Variants in THADA observed in about 807,000 individuals in gnomAD.
THADA encodes the protein THADA armadillo repeat containing.
A neutral mutation model predicts 219.8 loss-of-function variants in THADA; 213 were observed. The observed-to-expected ratio is 0.97, with a 90% confidence interval of 0.87 to 1.09. THADA has a LOEUF of 1.09. Among genes scored for constraint, THADA ranks in the 50% least tolerant of loss-of-function variants. The pLI, the probability that THADA is intolerant of heterozygous loss-of-function variation, is 0.00. For missense variants in THADA, 2,956 were observed against 2,311.3 expected, an observed-to-expected ratio of 1.28 and a Z score of -5.72; for synonymous variants, 1,018 against 828.9, an observed-to-expected ratio of 1.23 and a Z score of -3.92.
intron 30 of THADA, among the ~76,000 whole-genome samples, chr2:43,337,398 A>AT (rs1170434986): frequency 4.6e-5 from 7 of 152,182 alleles, no homozygotes; most frequent in Non-Finnish European, 1.0e-4. Flanking sequence ...TGTAGAAAAG[A>AT]TTTTTTTATA....
intron 26 of THADA, among the ~76,000 whole-genome samples, chr2:43,461,008 T>C (rs1683578608): frequency 6.6e-6 from 1 of 152,110 alleles, no homozygotes; most frequent in Non-Finnish European, 1.5e-5. Context: ...AAGGACACTG[T>C]TGAGGCAGAG....
intron 21 of THADA, among the ~76,000 whole-genome samples, chr2:43,535,824 G>A (rs898187925): frequency 5.3e-5 from 8 of 149,610 alleles, no homozygotes; most frequent in Non-Finnish European, 1.0e-4. Context: ...TCTGTTTTTT[G>A]TTTTTGTTTG....
intron 22 of THADA, among the ~76,000 whole-genome samples, chr2:43,517,115 TA>T (rs755620007): frequency 6.6e-6 from 1 of 152,106 alleles, no homozygotes; most frequent in African/African-American, 2.4e-5. Context: ...GCTAGAAAAT[TA>T]AAATACTCTA....
At chr2:43,357,009 T>C (rs1183845010) in intron 29 of THADA, among the ~76,000 whole-genome samples, 1 of 152,206 alleles carries the variant, frequency 6.6e-6, no homozygotes, top group Non-Finnish European at 1.5e-5. Flanking sequence ...CTAAAAACTA[T>C]AAATTACTTT....
At position 43,303,285 on chromosome 2, in the gene THADA, G is replaced by C. The variant is rs150176661; in HGVS notation, c.4439-10072C>G. The stretch of plus-strand genomic sequence containing the variant: ...GTTCTTTGGTAGGTTGGAGATTCCA[G>C]TGTAATGTCTGCAACATGAACAGTC... On this transcript the variant is annotated intron_variant, in intron 31 of 37. Transcript: ENST00000405975. 4.0e-3 allele frequency among the ~76,000 whole-genome samples: 612 copies of C among 152,284 alleles called. 7 individuals are homozygous for C. Among genetic ancestry groups the C allele is most frequent in the African/African-American group, 0.014 (570 of 41,560 alleles).
intron 33 of THADA, 95 bp from the exon 34 acceptor site, chr2:43,291,863 G>C: frequency 8.9e-7 from 1 of 1,124,370 alleles, no homozygotes; most frequent in South Asian, 1.7e-5. Flanking sequence ...CCATGCAGAG[G>C]TGAATACTGA....
At chr2:43,567,106 A>AGAGTCTC (rs1243113486) in intron 14 of THADA, among the ~76,000 whole-genome samples, 3 of 150,388 alleles carry the variant, frequency 2.0e-5, no homozygotes, top group Non-Finnish European at 4.4e-5. Flanking sequence ...TTTTTAAGAC[A>AGAGTCTC]GAGTCTCGCT....
chr2:43,497,884 C>A (rs1193839631), intron 25 of THADA, among the ~76,000 whole-genome samples: 1 of 151,986 alleles, frequency 6.6e-6, no homozygotes, highest in African/African-American at 2.4e-5. Flanking sequence ...GACTCCAACT[C>A]AATTAAAAAC....
intron 28 of THADA, among the ~76,000 whole-genome samples, chr2:43,422,354 G>T (rs113609269): frequency 9.9e-5 from 15 of 152,134 alleles, no homozygotes; most frequent in African/African-American, 3.1e-4. Flanking sequence ...ACTGTTTCCA[G>T]ATGTTTGGTT....
chr2:43,388,005 A>C (rs1367156156), intron 29 of THADA, among the ~76,000 whole-genome samples: 1 of 152,246 alleles, frequency 6.6e-6, no homozygotes, highest in Non-Finnish European at 1.5e-5. Context: ...CAGTGCTTTT[A>C]AATGGTCAGC....
intron 29 of THADA, chr2:43,372,243 G>A (rs1207573855): frequency 6.6e-6 from 1 of 152,138 alleles, no homozygotes; most frequent in African/African-American, 2.4e-5. Context: ...GTTTTAAAGA[G>A]CTGCTAGTTT....
chr2:43,381,531 C>A (rs1221590233), intron 29 of THADA, among the ~76,000 whole-genome samples: 2 of 151,224 alleles, frequency 1.3e-5, no homozygotes, highest in Non-Finnish European at 2.9e-5. Flanking sequence ...AGAAACCTGG[C>A]AAACACGACT....
intron 21 of THADA, among the ~76,000 whole-genome samples, chr2:43,531,855 A>C (rs1285589701): frequency 1.3e-5 from 2 of 151,658 alleles, no homozygotes; most frequent in African/African-American, 4.8e-5. Flanking sequence ...CTTTTTTTCG[A>C]CTCATAATTT....
chr2:43,492,220 G>A (rs1687726012), intron 25 of THADA: 1 of 151,984 alleles, frequency 6.6e-6, no homozygotes, highest in East Asian at 1.9e-4. Context: ...GGCTGAGGCA[G>A]GAGAATCACT....
At chr2:43,542,462 T>C (rs964034358) in intron 20 of THADA, among the ~76,000 whole-genome samples, 4 of 152,124 alleles carry the variant, frequency 2.6e-5, no homozygotes, top group Non-Finnish European at 5.9e-5. Context: ...CAAGACAATA[T>C]CCCCACCTAG....
intron 30 of THADA, among the ~76,000 whole-genome samples, chr2:43,337,000 G>T (rs760513834): frequency 4.6e-5 from 7 of 152,240 alleles, no homozygotes; most frequent in African/African-American, 1.2e-4. Flanking sequence ...TTTTTCAAAA[G>T]AAGCTGTAGA....
At chr2:43,235,297 T>C (rs1204206036) in intron 36 of THADA, among the ~76,000 whole-genome samples, 1 of 151,798 alleles carries the variant, frequency 6.6e-6, no homozygotes, top group East Asian at 1.9e-4. Context: ...TTTTTGTTGT[T>C]GTTGTTTTGT....
At chr2:43,449,794 T>C (rs1029136301) in intron 26 of THADA, among the ~76,000 whole-genome samples, 4 of 152,096 alleles carry the variant, frequency 2.6e-5, no homozygotes, top group Admixed American at 2.6e-4. Context: ...ACTTGTTACA[T>C]GCAAACGGTC....
At chr2:43,483,326 A>G (rs1686472442) in intron 26 of THADA, among the ~76,000 whole-genome samples, 1 of 152,204 alleles carries the variant, frequency 6.6e-6, no homozygotes, top group Non-Finnish European at 1.5e-5. Flanking sequence ...CATTTAAACA[A>G]AAAGTGACAT....
Sources: allele counts gnomAD v4.1 joint callset (sites outside exome capture counted in the v4.1 genomes callset), GRCh38; gene constraint gnomAD v4.1.1; transcripts MANE v1.5; gene names NCBI Gene and HGNC (gene_info 2026-07-23, HGNC 2026-07-21).